Variants in TDRD7 observed in about 807,000 individuals in gnomAD.
TDRD7 encodes tudor domain-containing protein 7.
TDRD7 carries 47 observed loss-of-function variants against 109.8 expected under a neutral mutation model. That is an observed-to-expected ratio of 0.43 (90% CI 0.34 to 0.55). The LOEUF (loss-of-function observed/expected upper bound fraction) is 0.55. Ranked by LOEUF, TDRD7 falls within the 20% of genes least tolerant of loss-of-function variation. TDRD7 has a pLI of 0.03. For synonymous variants in TDRD7, 424 were observed against 457.3 expected (o/e 0.93, Z 0.93); for missense variants, 1,164 against 1,319.2 (o/e 0.88, Z 1.82).
intron 1 of TDRD7, among the ~76,000 whole-genome samples, chr9:97,425,136 G>A (rs1276974724): frequency 9.9e-5 from 15 of 152,020 alleles, no homozygotes; most frequent in Admixed American, 9.8e-4. Flanking sequence ...TTTTTTGGAT[G>A]ATGGGAATGT....
chr9:97,495,490 C>T (rs374284319), intron 16 of TDRD7, among the ~76,000 whole-genome samples, 173 bp from the exon 17 acceptor site: 1 of 152,152 alleles, frequency 6.6e-6, no homozygotes, highest in African/African-American at 2.4e-5. Flanking sequence ...AGTAGAAAAA[C>T]TATAAGCTGG....
intron 5 of TDRD7, 87 bp downstream of exon 5, chr9:97,439,405 C>A: frequency 9.2e-7 from 1 of 1,084,708 alleles, no homozygotes; most frequent in Non-Finnish European, 1.4e-6. Context: ...TTTGCTCTCA[C>A]CTTCTCCTGT....
chr9:97,455,101 A>G (rs1162914366), intron 6 of TDRD7, among the ~76,000 whole-genome samples: 1 of 152,218 alleles, frequency 6.6e-6, no homozygotes, highest in Non-Finnish European at 1.5e-5. Context: ...TCCTGGATGC[A>G]TACACCCTAC....
At chr9:97,483,889 G>A (rs193007201) in intron 15 of TDRD7, among the ~76,000 whole-genome samples, 4 of 152,032 alleles carry the variant, frequency 2.6e-5, no homozygotes, top group South Asian at 2.1e-4. Flanking sequence ...ATTTCTTCAG[G>A]AACCTTTATA....
intron 6 of TDRD7, 99 bp from the exon 7 acceptor site, chr9:97,460,079 G>C: frequency 9.7e-7 from 1 of 1,034,596 alleles, no homozygotes; most frequent in Non-Finnish European, 1.5e-6. Flanking sequence ...TGATTAATTT[G>C]GAAACAGCAT....
At chr9:97,431,217 A>G (rs1189699463) in intron 3 of TDRD7, 143 bp downstream of exon 3, 2 of 1,301,602 alleles carry the variant, frequency 1.5e-6, no homozygotes, top group Admixed American at 1.9e-5. Context: ...TGAAGCTAGC[A>G]TTTCCATTTG....
In TDRD7 at chr9:97,430,978, C is replaced by T; in HGVS notation, c.253C>T (p.Gln85Ter). Residue 85 changes from glutamine to a stop codon, truncating the protein, a stop_gained, in exon 3 of 17, where the codon CAG (glutamine) becomes TAG (stop). Transcript: ENST00000355295. LOFTEE classifies it high-confidence loss of function. ...CTGCACAGAAACTGCAAGAATTGCT[C>T]AGCTTGTGGCTCGTCAAAGGAGTTC... is the stretch of plus-strand genomic sequence containing the variant. ...MACTETARIA[Q>*]LVARQRSSKR... 1.2e-6 allele frequency: 2 copies of T among 1,613,852 alleles called. No homozygotes were observed. Among genetic ancestry groups the T allele is most frequent in the Non-Finnish European group, 1.7e-6 (2 of 1,179,860 alleles).
chr9:97,464,414 G>T (rs769292681), intron 7 of TDRD7, among the ~76,000 whole-genome samples: 10 of 152,110 alleles, frequency 6.6e-5, no homozygotes, highest in African/African-American at 1.2e-4. Context: ...GCAGTGGTGT[G>T]ATCTTGGCTC....
At chr9:97,486,972 G>T (rs1484952827) in intron 15 of TDRD7, among the ~76,000 whole-genome samples, 200 bp from the exon 16 acceptor site, 1 of 152,176 alleles carries the variant, frequency 6.6e-6, no homozygotes, top group Non-Finnish European at 1.5e-5. Context: ...TATCAAATAA[G>T]ACAGTGGCAA....
intron 1 of TDRD7, among the ~76,000 whole-genome samples, chr9:97,419,980 AT>A (rs1367874883): frequency 6.6e-6 from 1 of 152,190 alleles, no homozygotes; most frequent in African/African-American, 2.4e-5. Context: ...GCCTCCCAGC[AT>A]TATTATAGAT....
chr9:97,472,379 G>T lies in TDRD7; in HGVS notation c.1828G>T (p.Asp610Tyr). The stretch of plus-strand genomic sequence containing the variant: ...AAAGATCTTTGCAGTGGAAATACTT[G>T]ACAAAGCTGACATTCCACTTGTTGT... ...CGKIFAVEIL[D>Y]KADIPLVVLY... The change falls in exon 10 of 17, where the codon GAC (aspartate) becomes TAC (tyrosine). Residue 610 changes from aspartate to tyrosine, a missense_variant. Around this residue, in one of 5 missense-constraint regions of TDRD7, gnomAD observed 261 missense variants for 336.2 expected, o/e 0.78. Transcript: ENST00000355295. The T allele has an allele frequency of 6.2e-7, 1 of 1,613,888 alleles. No homozygotes were observed. The highest frequency in any genetic ancestry group is 1.7e-5 in the Admixed American group (1 of 60,000).
Position 97,412,605 on chromosome 9 carries a change from G to C in TDRD7, c.-7+367G>C, listed in dbSNP as rs1827736636. Among the ~76,000 whole-genome samples, 1 of 152,214 alleles carries C rather than the reference G, an allele frequency of 6.6e-6. No homozygotes were observed. Among genetic ancestry groups the C allele is most frequent in the Non-Finnish European group, 1.5e-5 (1 of 68,030 alleles). On this transcript the variant is annotated intron_variant, in intron 1 of 16. Transcript: ENST00000355295. The surrounding 1 kb of genome is among the most constrained non-coding windows in gnomAD (Gnocchi z 4.3). ...GCGGGCGGGAGATGCGGACCAGGAA[G>C]TGGTTCCCGCTACCGGCGCGACAGG...
At chr9:97,436,343 G>T (rs1828196983) in intron 4 of TDRD7, among the ~76,000 whole-genome samples, 1 of 152,010 alleles carries the variant, frequency 6.6e-6, no homozygotes, top group Admixed American at 6.6e-5. Context: ...CCCTGATTTT[G>T]ATTCTTAAGG....
At position 97,428,376 on chromosome 9, in the gene TDRD7, G is replaced by A; in HGVS notation, c.-6-84G>A. ...AAAGTATGCAGTAATAATTTATAAA[G>A]TAACAAGTTTCAGCTCTGAAAATCT... On this transcript the variant is annotated intron_variant, in intron 1 of 16. Coordinates refer to ENST00000355295, the MANE Select transcript of TDRD7 (RefSeq NM_014290.3). 3.0e-6 allele frequency: 4 copies of A among 1,333,548 alleles called. No individual in the cohort carries two copies. The South Asian group carries it at 4.9e-5, about 16-fold the overall frequency. The allele number at this position is 1,333,548 out of a possible 1,614,324, so 82.6% of individuals were successfully genotyped here. A position where few individuals can be genotyped will look rare whatever the true frequency, so the allele number is the denominator to read the frequency against.
intron 1 of TDRD7, among the ~76,000 whole-genome samples, chr9:97,420,002 T>TA (rs1371206285): frequency 1.3e-5 from 2 of 152,202 alleles, no homozygotes; most frequent in Non-Finnish European, 2.9e-5. Context: ...ACTAGATTTT[T>TA]AGAAAAGCCA....
rs1161964610 is a variant in TDRD7, at chr9:97,428,679, A to G, written c.207+7A>G. ...GACTAGTAGATCTGGAGAGGTAAGA[A>G]GGTAATTGTGCGTGTCAGAAGAATC... On this transcript the variant is annotated splice_region_variant and intron_variant, in intron 2 of 16. Transcript: ENST00000355295. The G allele has an allele frequency of 6.2e-7, 1 of 1,612,782 alleles. No individual in the cohort carries two copies. Among genetic ancestry groups the G allele is most frequent in the Non-Finnish European group, 8.5e-7 (1 of 1,179,622 alleles).
chr9:97,428,288 T>C (rs565347666), intron 1 of TDRD7, among the ~76,000 whole-genome samples, 172 bp from the exon 2 acceptor site: 1 of 152,224 alleles, frequency 6.6e-6, no homozygotes, highest in Admixed American at 6.5e-5. Flanking sequence ...TTCCCCTGCA[T>C]TCTTATGGTA....
Position 97,432,021 on chromosome 9 carries a change from A to C in TDRD7, c.350-4A>C. 1 of 1,613,708 alleles carries C rather than the reference A, an allele frequency of 6.2e-7. No individual in the cohort carries two copies. The highest frequency in any genetic ancestry group is 8.5e-7 in the Non-Finnish European group (1 of 1,179,704). ...GATTTCGTTATGTATGCCTAACTTC[A>C]TAGGAAAACCAAAAGCAACCCTCAG... On this transcript the variant is annotated splice_region_variant and splice_polypyrimidine_tract_variant and intron_variant, in intron 3 of 16. Coordinates refer to ENST00000355295, the MANE Select transcript of TDRD7 (RefSeq NM_014290.3).
At chr9:97,421,698 T>TTGTG (rs59218055) in intron 1 of TDRD7, among the ~76,000 whole-genome samples, 2,268 of 142,918 alleles carry the variant, frequency 0.016, 24 homozygotes, top group African/African-American at 0.026. Flanking sequence ...TGCCCAGCTT[T>TTGTG]TGTGTGTGTG....
Sources: gnomAD v4.1 joint callset for allele counts (sites outside exome capture counted in the v4.1 genomes callset) on GRCh38, gnomAD v4.1.1 for gene constraint, gnomAD v4.1.1 regional missense constraint, Gnocchi (gnomAD v3.1) non-coding constraint, MANE v1.5 for transcripts, NCBI Gene and HGNC (gene_info 2026-07-23, HGNC 2026-07-21) for gene names.